The following AGBL1 variants were observed in gnomAD, a reference collection of about 807,000 sequenced individuals.
The protein encoded by AGBL1 is AGBL carboxypeptidase 1, also known as cytosolic carboxypeptidase 4.
A neutral mutation model predicts 118.9 loss-of-function variants in AGBL1; 130 were observed. The ratio of observed to expected loss-of-function variants is 1.09; its 90% CI spans 0.95 to 1.26. The LOEUF is 1.26. Ranked by LOEUF, AGBL1 falls within the 50% of genes most tolerant of loss-of-function variation. AGBL1 has a pLI of 0.00. For missense variants in AGBL1, 1,584 were observed against 1,298.1 expected (o/e 1.22, Z -3.38); for synonymous variants, 555 against 478.9 (o/e 1.16, Z -2.08).
chr15:86,827,485 GTGTGTATA>G (rs1326999970), intron 22 of AGBL1, among the ~76,000 whole-genome samples: 56 of 3,864 alleles, frequency 0.014, 6 homozygotes, highest in African/African-American at 0.041. Flanking sequence ...ATATATATAT[GTGTGTATA>G]TATATATATA....
chr15:86,532,214 T>C (rs1241919400), intron 19 of AGBL1, among the ~76,000 whole-genome samples: 1 of 149,664 alleles, frequency 6.7e-6, no homozygotes, highest in Non-Finnish European at 1.5e-5. Flanking sequence ...GAAAACCCCA[T>C]CATCTCAGCC....
intron 11 of AGBL1, among the ~76,000 whole-genome samples, chr15:86,265,605 A>G (rs2079059023): frequency 1.3e-5 from 2 of 152,208 alleles, no homozygotes; most frequent in South Asian, 4.1e-4. Context: ...TAAATCCCCC[A>G]AACTGCTCCC....
intron 22 of AGBL1, among the ~76,000 whole-genome samples, chr15:86,852,929 G>T (rs768754296): frequency 6.6e-6 from 1 of 152,180 alleles, no homozygotes; most frequent in Non-Finnish European, 1.5e-5. Context: ...CTCTGGGCAC[G>T]AGGCTCAGGC....
At chr15:86,956,217 T>TTAGATAGATAGATAGA (rs57241299) in intron 23 of AGBL1, among the ~76,000 whole-genome samples, 30 of 147,704 alleles carry the variant, frequency 2.0e-4, no homozygotes, top group East Asian at 4.1e-4. Flanking sequence ...AGATGATTGA[T>TTAGATAGATAGATAGA]TAGATAGATA....
At chr15:86,861,430 G>A (rs1219706845) in intron 22 of AGBL1, among the ~76,000 whole-genome samples, 1 of 152,186 alleles carries the variant, frequency 6.6e-6, no homozygotes, top group South Asian at 2.1e-4. Context: ...GTTAGGTTAT[G>A]TTATTATCCC....
chr15:86,537,609 G>A (rs1053350500), intron 19 of AGBL1, among the ~76,000 whole-genome samples: 40 of 152,174 alleles, frequency 2.6e-4, no homozygotes, highest in African/African-American at 8.9e-4. Context: ...TTTCAAATAC[G>A]CGAATTGAGA....
At chr15:86,247,635 G>A in intron 6 of AGBL1, 36 bp from the exon 7 acceptor site, 3 of 1,556,104 alleles carry the variant, frequency 1.9e-6, no homozygotes, top group East Asian at 2.4e-5. Flanking sequence ...GCTGTGGAGA[G>A]CCTGTGACTG....
chr15:86,231,527 T>G (rs147228250), intron 6 of AGBL1, among the ~76,000 whole-genome samples: 1,589 of 152,336 alleles, frequency 0.01, 10 homozygotes, highest in Non-Finnish European at 0.017. Context: ...TGTGATTGAG[T>G]GTGCAGGAAT....
chr15:86,163,083 G>A (rs2077289546), intron 5 of AGBL1, among the ~76,000 whole-genome samples: 4 of 152,208 alleles, frequency 2.6e-5, no homozygotes, highest in Non-Finnish European at 5.9e-5. Flanking sequence ...CAAATTATAT[G>A]TATCTTGTTA....
chr15:86,618,155 G>T (rs1268181992), intron 21 of AGBL1, among the ~76,000 whole-genome samples: 1 of 152,122 alleles, frequency 6.6e-6, no homozygotes, highest in Non-Finnish European at 1.5e-5. Flanking sequence ...AACTATGCAG[G>T]ATGCTACTAA....
At chr15:86,638,997 C>A (rs1312002150) in intron 21 of AGBL1, among the ~76,000 whole-genome samples, 1 of 152,142 alleles carries the variant, frequency 6.6e-6, no homozygotes, top group Non-Finnish European at 1.5e-5. Flanking sequence ...CGGCTGGAGG[C>A]CACTCTGTTC....
At chr15:86,138,232 C>G (rs149504571) in intron 1 of AGBL1, 57 of 152,388 alleles carry the variant, frequency 3.7e-4, no homozygotes, top group African/African-American at 1.3e-3. Context: ...GCCCTCGGAA[C>G]ACACAGGGCT....
chr15:86,360,575 C>G (rs2080790116), intron 17 of AGBL1, among the ~76,000 whole-genome samples: 1 of 151,796 alleles, frequency 6.6e-6, no homozygotes, highest in Non-Finnish European at 1.5e-5. Context: ...GATGTGTGCT[C>G]TCCTTTTATC....
At chr15:86,234,532 C>A (rs1166145474) in intron 6 of AGBL1, among the ~76,000 whole-genome samples, 1 of 121,672 alleles carries the variant, frequency 8.2e-6, no homozygotes, top group African/African-American at 3.2e-5. Context: ...GCCTGGGCGA[C>A]AGAGTGAGAC....
At chr15:86,825,846 T>C (rs2079003591) in intron 22 of AGBL1, among the ~76,000 whole-genome samples, 1 of 151,466 alleles carries the variant, frequency 6.6e-6, no homozygotes, top group Admixed American at 6.6e-5. Flanking sequence ...CCTGGATCAC[T>C]CATTCATTCC....
intron 5 of AGBL1, among the ~76,000 whole-genome samples, chr15:86,193,760 T>G (rs1461406514): frequency 6.6e-6 from 1 of 152,200 alleles, no homozygotes; most frequent in African/African-American, 2.4e-5. Flanking sequence ...AAGTCACTCC[T>G]TTAGTCAAAT....
intron 21 of AGBL1, among the ~76,000 whole-genome samples, chr15:86,646,947 TAA>T (rs2085289138): frequency 6.6e-6 from 1 of 152,196 alleles, no homozygotes; most frequent in South Asian, 2.1e-4. Flanking sequence ...CTTAGTTTTT[TAA>T]AGTGTCATGA....
At chr15:86,392,930 C>A (rs2081310286) in intron 17 of AGBL1, among the ~76,000 whole-genome samples, 1 of 152,236 alleles carries the variant, frequency 6.6e-6, no homozygotes, top group South Asian at 2.1e-4. Context: ...CAAGAAAAAA[C>A]CACATGGTAT....
chr15:86,546,959 G>C (rs2083592201), intron 20 of AGBL1, among the ~76,000 whole-genome samples: 1 of 152,096 alleles, frequency 6.6e-6, no homozygotes, highest in South Asian at 2.1e-4. Context: ...GTGCAAAATA[G>C]CTTCATCCCC....
Sources: gnomAD v4.1 joint callset for allele counts (sites outside exome capture counted in the v4.1 genomes callset) on GRCh38, gnomAD v4.1.1 for gene constraint, MANE v1.5 for transcripts, NCBI Gene and HGNC (gene_info 2026-07-23, HGNC 2026-07-21) for gene names.